STARD9: variants seen among roughly 807,000 people sequenced by gnomAD.
The protein encoded by STARD9 is stAR-related lipid transfer protein 9.
In STARD9, 346 loss-of-function variants were observed where a neutral mutation model predicts 399.8. The ratio of observed to expected loss-of-function variants is 0.87; its 90% confidence interval spans 0.79 to 0.95. The LOEUF (loss-of-function observed/expected upper bound fraction) is 0.95, where lower values mean the gene tolerates loss of function less well. Ranked by LOEUF, STARD9 falls within the 40% of genes least tolerant of loss-of-function variation. The pLI is 0.00. For missense variants in STARD9, 5,832 were observed against 5,667.5 expected, an observed-to-expected ratio of 1.03 and a Z score of -0.93; for synonymous variants, 2,203 against 2,143.5, an observed-to-expected ratio of 1.03 and a Z score of -0.77.
intron 20 of STARD9, among the ~76,000 whole-genome samples, chr15:42,681,060 T>G (rs2060416921): frequency 6.6e-6 from 1 of 152,238 alleles, no homozygotes. Flanking sequence ...CAACATATTT[T>G]TAGCAGACAC....
intron 3 of STARD9, among the ~76,000 whole-genome samples, chr15:42,626,554 G>A (rs1283997216): frequency 6.7e-6 from 1 of 149,524 alleles, no homozygotes; most frequent in Non-Finnish European, 1.5e-5. Context: ...AGGCTGGAGC[G>A]CAGTGGCGCG....
Position 42,687,831 on chromosome 15 carries a change from GT to G in STARD9, c.6254del (p.Val2085GlyfsTer80). The G allele has an allele frequency of 6.5e-7, 1 of 1,537,416 alleles. No individual in the cohort carries two copies. The highest frequency in any genetic ancestry group is 8.7e-7 in the Non-Finnish European group (1 of 1,147,002). ...SHTPGTDKEL[V>X]FQDQKEQEKT... ...CACACCAGGAACCGATAAGGAGTTG[GT>G]GTTCCAGGACCAGAAGGAGCAGGAG... On this transcript the variant is annotated frameshift_variant, in exon 23 of 33. Transcript: ENST00000290607. LOFTEE classifies it high-confidence loss of function.
In STARD9 at chr15:42,685,106, G is replaced by A. The variant is rs2060519186; in HGVS notation, c.3528G>A (p.Arg1176=). 3 of 1,537,116 alleles carry A rather than the reference G, an allele frequency of 2.0e-6. No individual in the cohort carries two copies. Among genetic ancestry groups the A allele is most frequent in the Admixed American group, 2.0e-5 (1 of 50,976 alleles). ...NRPTNNRGQP[R]TRTRASVRGF... ...CCACCAACAACCGTGGCCAACCCAG[G>A]ACCAGAACTAGAGCTTCTGTGAGGG... Residue 1176 remains arginine, a synonymous_variant, in exon 23 of 33, where the codon AGG becomes AGA. Transcript: ENST00000290607.
At chr15:42,699,392 C>CTTTTCTTTTTTT (rs1359323091) in intron 26 of STARD9, among the ~76,000 whole-genome samples, 6 of 113,294 alleles carry the variant, frequency 5.3e-5, no homozygotes, top group African/African-American at 2.4e-4. Context: ...TTTTTCTTTT[C>CTTTTCTTTTTTT]TTTTTTTTTT....
intron 3 of STARD9, among the ~76,000 whole-genome samples, chr15:42,609,538 C>G (rs1459852974): frequency 1.3e-5 from 2 of 151,624 alleles, no homozygotes; most frequent in African/African-American, 4.8e-5. Flanking sequence ...CTCCCAGGTT[C>G]AAGCAATTCT....
At chr15:42,674,304 G>A (rs147274850) in intron 16 of STARD9, 136 bp from the exon 17 acceptor site, 47 of 722,920 alleles carry the variant, frequency 6.5e-5, no homozygotes, top group East Asian at 1.4e-4. Context: ...AAGTGGTACC[G>A]ACCAGGCTGG....
rs1269681211 is a variant in STARD9, at chr15:42,685,165, C to A, written c.3587C>A (p.Ala1196Asp). 1.3e-6 allele frequency: 2 copies of A among 1,537,182 alleles called. No individual in the cohort carries two copies. Among genetic ancestry groups the A allele is most frequent in the African/African-American group, 2.7e-5 (2 of 73,158 alleles). Reference protein sequence around the residue: ...FTAASDSDLLAQTHRSFSLDS... With the variant: ...FTAASDSDLLDQTHRSFSLDS... ...GCAGCCTCAGACAGTGACCTACTTG[C>A]TCAAACTCATAGGAGCTTCTCCTTG... The change falls in exon 23 of 33, where the codon GCT (alanine) becomes GAT (aspartate). Residue 1196 changes from alanine (A) to aspartate (D), a missense_variant. Physicochemically the swap from Ala to Asp is moderately radical, Grantham distance 126 (BLOSUM62 -2). This residue lies in a region of STARD9 where 5,828 missense variants were observed against 5,651.1 expected (regional missense o/e 1.03). Transcript: ENST00000290607.
rs2061403530 is a variant in STARD9, at chr15:42,719,048, C to T, written c.14001+138C>T. The T allele has an allele frequency of 2.4e-5, 17 of 717,908 alleles. No homozygotes were observed. In the South Asian group the frequency reaches 3.2e-4, roughly 13 times the overall value. 44.5% of individuals were successfully genotyped at this position (717,908 alleles called of 1,614,324 possible). A position where few individuals can be genotyped will look rare whatever the true frequency, so the allele number is the denominator to read the frequency against. On this transcript the variant is annotated intron_variant, in intron 32 of 32. Transcript: ENST00000290607. ...TGAGACCTGGAGACTTGAGGGCTTC[C>T]TGGGCTTTTGCAGTAAGGGGAGTCA... is the stretch of plus-strand genomic sequence containing the variant.
rs2060707713 is a variant in STARD9, at chr15:42,691,690, C to T, written c.10112C>T (p.Ser3371Leu). 6.5e-7 allele frequency: 1 copy of T among 1,537,126 alleles called. No individual in the cohort carries two copies. ...PHLRGYSSGK[S>L]VARTSLQAED... ...CTCAGGGGCTATTCCTCAGGAAAGT[C>T]AGTGGCAAGAACATCTCTGCAGGCT... The change falls in exon 23 of 33, where the codon TCA becomes TTA. Residue 3371 changes from serine to leucine, a missense_variant. Transcript: ENST00000290607.
chr15:42,575,721 G>C lies in STARD9; in HGVS notation c.6G>C (p.Ala2=), dbSNP rs2058038129. The change falls in exon 1 of 33, where the codon GCG becomes GCC. Residue 2 remains alanine (A), a synonymous_variant. Coordinates refer to ENST00000290607, the MANE Select transcript of STARD9 (RefSeq NM_020759.3). The part of the protein sequence containing the change: M[A]NVQVAVRVRP... ...ACTTGGGTTGTGGCAGACGGATGGC[G>C]AACGTGCAGGTCGCCGTGCGGGTCC... The C allele has an allele frequency of 6.5e-7, 1 of 1,536,564 alleles. No individual in the cohort carries two copies.
intron 15 of STARD9, among the ~76,000 whole-genome samples, chr15:42,668,439 G>A (rs933541690): frequency 4.6e-5 from 7 of 151,144 alleles, no homozygotes; most frequent in African/African-American, 1.5e-4. Flanking sequence ...CAATGCTTAG[G>A]CATCGGTTTC....
At chr15:42,594,871 A>T (rs1000326140) in intron 3 of STARD9, among the ~76,000 whole-genome samples, 6 of 152,144 alleles carry the variant, frequency 3.9e-5, no homozygotes, top group African/African-American at 1.4e-4. Context: ...ATCTAGTAGT[A>T]TGGGGAAGTA....
chr15:42,652,642 T>TA (rs1213490583), intron 9 of STARD9, 50 bp downstream of exon 9: 47 of 1,430,652 alleles, frequency 3.3e-5, no homozygotes, highest in Non-Finnish European at 3.0e-5. Context: ...CTTGTACCTT[T>TA]AAACCACTTT....
Position 42,716,699 on chromosome 15 carries a change from C to T in STARD9, c.13307C>T (p.Ser4436Phe), listed in dbSNP as rs770268111. 3.3e-6 allele frequency: 5 copies of T among 1,536,578 alleles called. No homozygotes were observed. The South Asian group carries it at 3.6e-5, about 11-fold the overall frequency. ...ENMGHTNLPD[S>F]RDVWIGDERG... Reference sequence around the variant, plus strand: ...CAGGGGCATACAAACTTGCCTGATTCCAGGGATGTATGGATAGGGGATGAG... The same window carrying T: ...CAGGGGCATACAAACTTGCCTGATTTCAGGGATGTATGGATAGGGGATGAG... The change falls in exon 27 of 33, where the codon TCC (serine) becomes TTC (phenylalanine). Residue 4436 changes from serine (S) to phenylalanine (F), a missense_variant. By Grantham distance (155) the Ser-to-Phe change is radical. Transcript: ENST00000290607.
chr15:42,596,928 G>A (rs2058518188), intron 3 of STARD9, among the ~76,000 whole-genome samples: 1 of 152,018 alleles, frequency 6.6e-6, no homozygotes, highest in African/African-American at 2.4e-5. Context: ...TTCTCTAAAC[G>A]TAACCATTGT....
intron 3 of STARD9, among the ~76,000 whole-genome samples, chr15:42,605,263 C>T (rs1390948383): frequency 1.3e-5 from 2 of 152,182 alleles, no homozygotes; most frequent in Non-Finnish European, 2.9e-5. Flanking sequence ...GTTTGAACTA[C>T]AGCGAAAACC....
chr15:42,665,289 G>GAGATTGAA lies in STARD9; in HGVS notation c.1217_1224dup (p.Ala411AspfsTer2). 1 of 1,537,142 alleles carries GAGATTGAA rather than the reference G, an allele frequency of 6.5e-7. No homozygotes were observed. Among genetic ancestry groups the GAGATTGAA allele is most frequent in the East Asian group, 2.4e-5 (1 of 40,918 alleles). ...AAAACTGATTAGAGAACTCAGAGAA[G>GAGATTGAA]AGATTGAAAGACTGAAAGCCCTGCT... is the stretch of plus-strand genomic sequence containing the variant. On this transcript the variant is annotated frameshift_variant, in exon 14 of 33. Transcript: ENST00000290607. LOFTEE classifies it high-confidence loss of function.
At position 42,634,856 on chromosome 15, in the gene STARD9, GT is replaced by G; in HGVS notation, c.239del (p.Phe80SerfsTer4). ...EDPQYASQDV[V>X]FQDLGMEVLS... Reference sequence around the variant, plus strand: ...ATTTCCTCTGCTTTTGTTGTTACAGGTTTTCCAGGATTTAGGGATGGAAGTA... The same window carrying G: ...ATTTCCTCTGCTTTTGTTGTTACAGGTTTCCAGGATTTAGGGATGGAAGTA... On this transcript the variant is annotated frameshift_variant and splice_region_variant, in exon 4 of 33. Coordinates refer to ENST00000290607, the MANE Select transcript of STARD9 (RefSeq NM_020759.3). LOFTEE classifies it high-confidence loss of function. 6.6e-7 allele frequency: 1 copy of G among 1,516,658 alleles called. No homozygotes were observed. Among genetic ancestry groups the G allele is most frequent in the Non-Finnish European group, 8.8e-7 (1 of 1,130,568 alleles). 94.0% of individuals were successfully genotyped at this position (1,516,658 alleles called of 1,614,324 possible).
chr15:42,597,486 G>A (rs535127983), intron 3 of STARD9, among the ~76,000 whole-genome samples: 15 of 152,154 alleles, frequency 9.9e-5, no homozygotes, highest in Non-Finnish European at 1.5e-5. Flanking sequence ...TCGTGCCCCA[G>A]CCTCCCAGGT....
Sources: allele counts gnomAD v4.1 joint callset (sites outside exome capture counted in the v4.1 genomes callset), GRCh38; gene constraint gnomAD v4.1.1; regional missense constraint gnomAD v4.1.1; transcripts MANE v1.5; gene names NCBI Gene and HGNC (gene_info 2026-07-23, HGNC 2026-07-21).